ZMYM2: variants seen among roughly 807,000 people sequenced by gnomAD.
The protein encoded by ZMYM2 is zinc finger MYM-type containing 2, also known as zinc finger MYM-type protein 2.
A neutral mutation model predicts 162.8 loss-of-function variants in ZMYM2; 56 were observed. That is an observed-to-expected ratio of 0.34 (90% CI 0.28 to 0.43). ZMYM2 has a LOEUF of 0.43. Ranked by LOEUF, ZMYM2 falls within the 20% of genes least tolerant of loss-of-function variation. The pLI, the probability that ZMYM2 is intolerant of heterozygous loss-of-function variation, is 1.00. For missense variants in ZMYM2, 1,275 were observed against 1,621.8 expected (o/e 0.79, Z 3.67); for synonymous variants, 510 against 541.6 (o/e 0.94, Z 0.81).
chr13:19,923,191 C>CAAA, the ZMYM2 span, among the ~76,000 whole-genome samples: 180 of 125,526 alleles, frequency 1.4e-3, 1 homozygote, highest in East Asian at 2.8e-3. Flanking sequence ...ACTAAATATA[C>CAAA]AAAAAAAAAA....
chr13:20,075,702 T>G (rs1001007845), intron 21 of ZMYM2, among the ~76,000 whole-genome samples: 4 of 79,936 alleles, frequency 5.0e-5, no homozygotes, highest in South Asian at 4.2e-4. Context: ...TTTTTTTTTT[T>G]GGAGACAGAG....
At chr13:19,924,424 T>C in the ZMYM2 span, among the ~76,000 whole-genome samples, 1 of 152,038 alleles carries the variant, frequency 6.6e-6, no homozygotes. Flanking sequence ...AAAAATTAGC[T>C]GGGTGTGGTA....
At chr13:20,053,496 C>CA (rs1307805062) in intron 14 of ZMYM2, among the ~76,000 whole-genome samples, 1 of 151,926 alleles carries the variant, frequency 6.6e-6, no homozygotes, top group African/African-American at 2.4e-5. Context: ...ACTAAAAATA[C>CA]AAAAAATTAG....
chr13:20,057,507 A>C (rs1955889570), intron 14 of ZMYM2, among the ~76,000 whole-genome samples: 1 of 152,130 alleles, frequency 6.6e-6, no homozygotes, highest in South Asian at 2.1e-4. Flanking sequence ...AGGGTACAGT[A>C]AACAGTATGT....
chr13:19,983,709 G>T (rs1948916027), intron 2 of ZMYM2, among the ~76,000 whole-genome samples: 3 of 151,934 alleles, frequency 2.0e-5, no homozygotes, highest in South Asian at 2.1e-4. Flanking sequence ...GCTCACTGCA[G>T]CCTCGACCTC....
At chr13:19,985,215 C>G (rs1003267993) in intron 2 of ZMYM2, among the ~76,000 whole-genome samples, 1 of 152,148 alleles carries the variant, frequency 6.6e-6, no homozygotes, top group African/African-American at 2.4e-5. Context: ...CCTCTGCTTC[C>G]CTGGCTCAAG....
the ZMYM2 span, among the ~76,000 whole-genome samples, chr13:19,933,490 A>G: frequency 6.6e-6 from 1 of 152,176 alleles, no homozygotes; most frequent in Non-Finnish European, 1.5e-5. Flanking sequence ...TTTTAATCAG[A>G]TAAGATATCT....
chr13:19,894,217 A>C, the ZMYM2 span, among the ~76,000 whole-genome samples: 6 of 151,956 alleles, frequency 3.9e-5, no homozygotes, highest in Non-Finnish European at 7.4e-5. Context: ...CTACACCAGT[A>C]CACTTAACCT....
chr13:20,071,388 T>G (rs1223281347), intron 21 of ZMYM2, among the ~76,000 whole-genome samples: 3 of 152,204 alleles, frequency 2.0e-5, no homozygotes. Context: ...AGCAGAAATT[T>G]GTTAAAGCAA....
chr13:20,022,210 C>T (rs1566319121), intron 7 of ZMYM2, among the ~76,000 whole-genome samples: 1 of 152,068 alleles, frequency 6.6e-6, no homozygotes, highest in Non-Finnish European at 1.5e-5. Flanking sequence ...TGGAAGTTAC[C>T]TCTGCTTTAA....
the ZMYM2 span, among the ~76,000 whole-genome samples, chr13:19,928,881 GCGTTCCA>G: frequency 6.6e-6 from 1 of 152,110 alleles, no homozygotes; most frequent in Admixed American, 6.6e-5. Flanking sequence ...CTGACCTCAG[GCGTTCCA>G]CCCACCTCGG....
the ZMYM2 span, among the ~76,000 whole-genome samples, chr13:19,878,332 C>A: frequency 3.3e-5 from 5 of 151,920 alleles, no homozygotes; most frequent in African/African-American, 4.8e-5. Context: ...GGATTACAGG[C>A]GCAAGCCACT....
the ZMYM2 span, among the ~76,000 whole-genome samples, chr13:19,922,181 C>T: frequency 6.6e-6 from 1 of 152,036 alleles, no homozygotes; most frequent in Admixed American, 6.6e-5. Flanking sequence ...TCCCAAAGTG[C>T]TAGGATTATA....
chr13:20,074,720 A>G (rs552421092), intron 21 of ZMYM2, among the ~76,000 whole-genome samples: 1 of 151,828 alleles, frequency 6.6e-6, no homozygotes, highest in Non-Finnish European at 1.5e-5. Context: ...TTGTATTTTT[A>G]GTAGAGACGA....
At chr13:20,010,616 C>A (rs765746655) in intron 6 of ZMYM2, among the ~76,000 whole-genome samples, 2 of 151,128 alleles carry the variant, frequency 1.3e-5, no homozygotes, top group Admixed American at 1.3e-4. Flanking sequence ...TCTTTTTTCT[C>A]TTTTTGTTTT....
the ZMYM2 span, among the ~76,000 whole-genome samples, chr13:19,873,746 A>T: frequency 1.1e-4 from 16 of 152,006 alleles, no homozygotes; most frequent in Non-Finnish European, 1.6e-4. Flanking sequence ...TGATGCTGTT[A>T]TTCTCTCCAG....
the ZMYM2 span, among the ~76,000 whole-genome samples, chr13:19,948,893 G>A: frequency 6.6e-6 from 1 of 152,124 alleles, no homozygotes; most frequent in Admixed American, 6.5e-5. Context: ...TACATGCAAG[G>A]GTTATTGGTC....
intron 6 of ZMYM2, among the ~76,000 whole-genome samples, chr13:20,012,331 A>G (rs1031747562): frequency 7.9e-5 from 12 of 151,942 alleles, no homozygotes; most frequent in Admixed American, 7.9e-4. Flanking sequence ...ATAGGCCACC[A>G]TGTCCCACTA....
chr13:20,019,661 G>A, intron 7 of ZMYM2, 43 bp downstream of exon 7: 2 of 1,513,830 alleles, frequency 1.3e-6, no homozygotes, highest in Non-Finnish European at 1.8e-6. Context: ...TAACATTTTT[G>A]AGCACTGCTA....
Sources: gnomAD v4.1 joint callset for allele counts (sites outside exome capture counted in the v4.1 genomes callset) on GRCh38, gnomAD v4.1.1 for gene constraint, MANE v1.5 for transcripts, NCBI Gene and HGNC (gene_info 2026-07-23, HGNC 2026-07-21) for gene names.